Variants in COP1 observed in about 807,000 individuals in gnomAD.
COP1 encodes E3 ubiquitin-protein ligase COP1.
Under a neutral mutation model 101.3 loss-of-function variants are expected in COP1, and 24 were observed. The ratio of observed to expected loss-of-function variants is 0.24; its 90% CI spans 0.17 to 0.33. The LOEUF (loss-of-function observed/expected upper bound fraction) is 0.33. Ranked by LOEUF, COP1 falls within the 10% of genes least tolerant of loss-of-function variation. The pLI, the probability that COP1 is intolerant of heterozygous loss-of-function variation, is 1.00. For missense variants in COP1, 663 were observed against 906.2 expected, an observed-to-expected ratio of 0.73 and a Z score of 3.45; for synonymous variants, 347 against 341.9, an observed-to-expected ratio of 1.01 and a Z score of -0.17.
At chr1:176,004,750 T>C (rs1662667837) in intron 15 of COP1, among the ~76,000 whole-genome samples, 1 of 149,540 alleles carries the variant, frequency 6.7e-6, no homozygotes, top group Non-Finnish European at 1.5e-5. Flanking sequence ...GGGATTCGTT[T>C]TGCCAGTATT....
chr1:175,986,911 C>T lies in COP1; in HGVS notation c.2133+32G>A. 4 of 1,505,330 alleles carry T rather than the reference C, an allele frequency of 2.7e-6. No homozygotes were observed. The South Asian group carries it at 5.3e-5, about 20-fold the overall frequency. The allele number at this position is 1,505,330 out of a possible 1,614,324, so 93.2% of individuals were successfully genotyped here. ...GTATACATAATGCATAATATGAGAT[C>T]CCAAGGTGAAAAAACTGATATGAAA... On this transcript the variant is annotated intron_variant, in intron 18 of 19. Transcript: ENST00000367669.
intron 2 of COP1, among the ~76,000 whole-genome samples, chr1:176,183,088 T>C (rs1429035218): frequency 6.6e-6 from 1 of 152,184 alleles, no homozygotes; most frequent in Non-Finnish European, 1.5e-5. Flanking sequence ...AGAAAGAATA[T>C]AGATAATACA....
At chr1:176,162,802 T>C in intron 5 of COP1, 67 bp downstream of exon 5, 6 of 1,405,678 alleles carry the variant, frequency 4.3e-6, no homozygotes, top group Non-Finnish European at 5.8e-6. Context: ...TTTTAAACTT[T>C]CTACGTCTTT....
intron 8 of COP1, among the ~76,000 whole-genome samples, chr1:176,134,339 C>A (rs751493331): frequency 3.9e-5 from 6 of 151,900 alleles, no homozygotes; most frequent in Non-Finnish European, 5.9e-5. Flanking sequence ...CATAAAAATT[C>A]AAAACTCAAG....
intron 18 of COP1, among the ~76,000 whole-genome samples, chr1:175,963,912 T>C (rs919786283): frequency 6.6e-6 from 1 of 152,178 alleles, no homozygotes. Context: ...AGAATATATT[T>C]TCATATTGCA....
chr1:176,010,246 A>T (rs1049205084), intron 15 of COP1, among the ~76,000 whole-genome samples: 4 of 152,184 alleles, frequency 2.6e-5, no homozygotes, highest in African/African-American at 9.6e-5. Flanking sequence ...TAAAAACTTC[A>T]GCCTCTACCT....
At chr1:176,198,451 T>C (rs1470717327) in intron 1 of COP1, among the ~76,000 whole-genome samples, 3 of 152,136 alleles carry the variant, frequency 2.0e-5, no homozygotes, top group African/African-American at 7.2e-5. Flanking sequence ...ACACAGTGTA[T>C]AAAAACTAAC....
chr1:176,159,643 C>T (rs1693992349), intron 5 of COP1, among the ~76,000 whole-genome samples: 1 of 152,166 alleles, frequency 6.6e-6, no homozygotes, highest in Admixed American at 6.5e-5. Context: ...ACCAAATCTA[C>T]ACTTATCAAT....
chr1:176,099,963 C>A (rs574947212), intron 9 of COP1, among the ~76,000 whole-genome samples: 21 of 152,122 alleles, frequency 1.4e-4, no homozygotes, highest in Non-Finnish European at 2.2e-4. Flanking sequence ...GGAAGAGTTC[C>A]GTCCAAGCCA....
intron 9 of COP1, among the ~76,000 whole-genome samples, chr1:176,096,974 T>C (rs552727070): frequency 6.6e-6 from 1 of 152,316 alleles, no homozygotes; most frequent in Admixed American, 6.5e-5. Context: ...CTTTTTGGTT[T>C]GATACCTGTG....
chr1:176,143,744 T>G (rs1424308237), intron 6 of COP1, among the ~76,000 whole-genome samples: 1 of 152,068 alleles, frequency 6.6e-6, no homozygotes, highest in Non-Finnish European at 1.5e-5. Context: ...AAGATATAAC[T>G]AAGACACCCC....
At chr1:176,034,623 A>G (rs1669177949) in intron 14 of COP1, among the ~76,000 whole-genome samples, 1 of 152,172 alleles carries the variant, frequency 6.6e-6, no homozygotes, top group South Asian at 2.1e-4. Flanking sequence ...AGAGTCGGGG[A>G]GAAACCTGGA....
chr1:176,167,443 T>TGAAA (rs1396948589), intron 3 of COP1, among the ~76,000 whole-genome samples: 2 of 149,096 alleles, frequency 1.3e-5, no homozygotes, highest in East Asian at 3.9e-4. Flanking sequence ...AATGAATGAA[T>TGAAA]GAAATCTTGA....
At chr1:175,948,799 CAT>C (rs780510380) in intron 18 of COP1, among the ~76,000 whole-genome samples, 1 of 152,094 alleles carries the variant, frequency 6.6e-6, no homozygotes, top group Non-Finnish European at 1.5e-5. Context: ...GAAATAAAGA[CAT>C]GTGGGCATGG....
At chr1:176,047,814 C>G (rs1377492622) in intron 11 of COP1, among the ~76,000 whole-genome samples, 1 of 152,104 alleles carries the variant, frequency 6.6e-6, no homozygotes, top group Non-Finnish European at 1.5e-5. Context: ...GTGGCTCATG[C>G]CTGCAATCCC....
intron 11 of COP1, among the ~76,000 whole-genome samples, chr1:176,057,594 C>T (rs1156863864): frequency 6.6e-6 from 1 of 152,154 alleles, no homozygotes; most frequent in Non-Finnish European, 1.5e-5. Context: ...GCCTCGGCCT[C>T]CCGAGGTGCC....
chr1:176,148,324 A>G (rs1218053138), intron 6 of COP1, among the ~76,000 whole-genome samples: 1 of 152,144 alleles, frequency 6.6e-6, no homozygotes, highest in African/African-American at 2.4e-5. Flanking sequence ...ACATTTTTAA[A>G]TGAGTAAAAA....
At chr1:176,135,174 C>T in intron 7 of COP1, 88 bp from the exon 8 acceptor site, 1 of 854,300 alleles carries the variant, frequency 1.2e-6, no homozygotes, top group Non-Finnish European at 1.8e-6. Context: ...CCTTTCTATT[C>T]CCAGGTTTTC....
chr1:176,084,097 T>G (rs1440850899), intron 10 of COP1, among the ~76,000 whole-genome samples: 2 of 152,074 alleles, frequency 1.3e-5, no homozygotes, highest in Non-Finnish European at 2.9e-5. Context: ...TTCCCACCTC[T>G]TTTTTTAAAG....
Sources: gnomAD v4.1 joint callset for allele counts (sites outside exome capture counted in the v4.1 genomes callset) on GRCh38, gnomAD v4.1.1 for gene constraint, MANE v1.5 for transcripts, NCBI Gene and HGNC (gene_info 2026-07-23, HGNC 2026-07-21) for gene names.